Variants in ANO2 observed in about 807,000 individuals in gnomAD.
ANO2 encodes the protein anoctamin-2.
In ANO2, 101 loss-of-function variants were observed where a neutral mutation model predicts 124.2. The ratio of observed to expected loss-of-function variants is 0.81; its 90% confidence interval spans 0.69 to 0.96. ANO2 has a LOEUF of 0.96. Ranked by LOEUF, ANO2 falls within the 40% of genes least tolerant of loss-of-function variation. ANO2 has a pLI of 0.00. For synonymous variants in ANO2, 486 were observed against 482.5 expected (o/e 1.01, Z -0.09); for missense variants, 1,293 against 1,274.5 (o/e 1.01, Z -0.22).
At chr12:5,565,466 C>T (rs924579893) in intron 24 of ANO2, 92 bp downstream of exon 24, 17 of 1,127,516 alleles carry the variant, frequency 1.5e-5, no homozygotes, top group Admixed American at 7.1e-5. Flanking sequence ...AGAGTACCAC[C>T]GGAACCTGGA....
chr12:5,654,405 G>A (rs1947060148), intron 14 of ANO2, among the ~76,000 whole-genome samples: 1 of 152,178 alleles, frequency 6.6e-6, no homozygotes, highest in Non-Finnish European at 1.5e-5. Flanking sequence ...TGCCATAGTA[G>A]TTGATTTATT....
At chr12:5,663,103 G>C (rs251781) in intron 14 of ANO2, among the ~76,000 whole-genome samples, 60,213 of 152,114 alleles carry the variant, frequency 0.4, 13,114 homozygotes, top group African/African-American at 0.55. Context: ...TGCAGGCGAG[G>C]AGAGACCATG....
rs1947293554 is a variant in ANO2, at chr12:5,658,684, T to C, written c.1546-10883A>G. ...ATCATCATCAACATCATTATCATCA[T>C]TAAATCATCATCAGCATCAATATTA... On this transcript the variant is annotated intron_variant, in intron 14 of 24. Transcript: ENST00000682330. This position sits in a 1 kb window ranked among gnomAD's most constrained non-coding sequence, Gnocchi z 4.3. Among the ~76,000 whole-genome samples, 1 of 152,060 alleles carries C rather than the reference T, an allele frequency of 6.6e-6. No homozygotes were observed. The highest frequency in any genetic ancestry group is 2.4e-5 in the African/African-American group (1 of 41,316).
At chr12:5,715,251 C>G (rs1227456937) in intron 14 of ANO2, among the ~76,000 whole-genome samples, 1 of 152,088 alleles carries the variant, frequency 6.6e-6, no homozygotes, top group African/African-American at 2.4e-5. Context: ...AATCATTTAC[C>G]AACCGGGACA....
At chr12:5,730,733 A>T (rs889889513) in intron 14 of ANO2, among the ~76,000 whole-genome samples, 1 of 152,242 alleles carries the variant, frequency 6.6e-6, no homozygotes, top group African/African-American at 2.4e-5. Context: ...GAACAGAAGC[A>T]TTAACAATGT....
intron 13 of ANO2, among the ~76,000 whole-genome samples, chr12:5,738,639 G>A (rs551661112): frequency 5.3e-5 from 8 of 152,272 alleles, no homozygotes; most frequent in African/African-American, 1.7e-4. Flanking sequence ...GGAGGAGCAG[G>A]AATTATGGTG....
chr12:5,681,569 C>A (rs1948492123), intron 14 of ANO2, among the ~76,000 whole-genome samples: 1 of 152,214 alleles, frequency 6.6e-6, no homozygotes, highest in Admixed American at 6.5e-5. Context: ...ACTCACATCC[C>A]TGGGAATAAT....
At chr12:5,608,443 A>G (rs1314889787) in intron 19 of ANO2, among the ~76,000 whole-genome samples, 2 of 152,024 alleles carry the variant, frequency 1.3e-5, no homozygotes, top group African/African-American at 2.4e-5. Flanking sequence ...CCTCTGGCAG[A>G]GTAGAAATTG....
At chr12:5,596,524 G>A (rs1943669112) in intron 20 of ANO2, among the ~76,000 whole-genome samples, 2 of 152,124 alleles carry the variant, frequency 1.3e-5, no homozygotes, top group Non-Finnish European at 2.9e-5. Context: ...TTTAAGGTGT[G>A]GGGTTTGGGG....
intron 19 of ANO2, 23 bp from the exon 20 acceptor site, chr12:5,599,652 T>A: frequency 6.2e-7 from 1 of 1,611,436 alleles, no homozygotes; most frequent in Non-Finnish European, 8.5e-7. Flanking sequence ...TGGATTAAGT[T>A]ACAAAAAGCC....
At chr12:5,868,963 G>C (rs149008067) in intron 3 of ANO2, among the ~76,000 whole-genome samples, 192 of 152,314 alleles carry the variant, frequency 1.3e-3, no homozygotes, top group African/African-American at 4.4e-3. Flanking sequence ...AAGAATGCAA[G>C]GAACTCCAAC....
intron 10 of ANO2, among the ~76,000 whole-genome samples, chr12:5,794,863 AGCAGG>A (rs1174147423): frequency 6.6e-6 from 1 of 152,256 alleles, no homozygotes; most frequent in Admixed American, 6.5e-5. Context: ...AGGAGAAAGC[AGCAGG>A]GCTAAGGAAA....
At chr12:5,644,130 A>T (rs894515028) in intron 15 of ANO2, among the ~76,000 whole-genome samples, 4 of 152,152 alleles carry the variant, frequency 2.6e-5, no homozygotes, top group African/African-American at 9.7e-5. Flanking sequence ...TTTCTTATAT[A>T]TTTAAAAACT....
chr12:5,586,339 G>A (rs1943109433), intron 20 of ANO2, among the ~76,000 whole-genome samples: 1 of 152,212 alleles, frequency 6.6e-6, no homozygotes, highest in South Asian at 2.1e-4. Context: ...TGCCTCAATT[G>A]TGTTTAAACG....
At chr12:5,894,282 G>A (rs1212384840) in intron 3 of ANO2, among the ~76,000 whole-genome samples, 1 of 152,038 alleles carries the variant, frequency 6.6e-6, no homozygotes, top group Non-Finnish European at 1.5e-5. Flanking sequence ...CCACATAAAT[G>A]TCTTCTTTTG....
At chr12:5,727,036 C>T (rs1673403860) in intron 14 of ANO2, among the ~76,000 whole-genome samples, 1 of 152,204 alleles carries the variant, frequency 6.6e-6, no homozygotes, top group South Asian at 2.1e-4. Context: ...GTGTCATGTA[C>T]ATGAGATGTG....
rs143867351 is a variant in ANO2 at position 5,823,838 on chromosome 12, G to A, written c.892+3931C>T. 9.0e-3 allele frequency among the ~76,000 whole-genome samples: 1,364 copies of A among 152,326 alleles called. 10 individuals carry two copies. Among genetic ancestry groups the A allele is most frequent in the Middle Eastern group, 0.014 (4 of 294 alleles). Reference sequence around the variant, plus strand: ...CAAACTTTCGCCTGCACATCCAGGCGTTTCCATACATCTTCTGAAATCTAG... The same window carrying A: ...CAAACTTTCGCCTGCACATCCAGGCATTTCCATACATCTTCTGAAATCTAG... On this transcript the variant is annotated intron_variant, in intron 7 of 24. Transcript: ENST00000682330.
Position 5,577,961 on chromosome 12 carries a change from G to A in ANO2, c.2433C>T (p.Ile811=). 6.2e-7 allele frequency: 1 copy of A among 1,613,662 alleles called. No homozygotes were observed. Among genetic ancestry groups the A allele is most frequent in the Non-Finnish European group, 8.5e-7 (1 of 1,179,634 alleles). ...ILSGIGKFSV[I]SNAFVIAITS... ...CATGAATGCAAGTACTTACGTTGCT[G>A]ATAACAGAGAACTTGCCAATTCCAG... The change falls in exon 22 of 25, where the codon ATC becomes ATT. Residue 811 remains isoleucine (I), a synonymous_variant. Coordinates refer to ENST00000682330, the MANE Select transcript of ANO2 (RefSeq NM_001364791.2).
chr12:5,605,724 T>C (rs1000395203), intron 19 of ANO2, among the ~76,000 whole-genome samples: 1 of 152,070 alleles, frequency 6.6e-6, no homozygotes, highest in Non-Finnish European at 1.5e-5. Context: ...AAAGTCTATT[T>C]TGCATGAACA....
Sources: gnomAD v4.1 joint callset for allele counts (sites outside exome capture counted in the v4.1 genomes callset) on GRCh38, gnomAD v4.1.1 for gene constraint, Gnocchi (gnomAD v3.1) non-coding constraint, MANE v1.5 for transcripts, NCBI Gene and HGNC (gene_info 2026-07-23, HGNC 2026-07-21) for gene names.